The following LMAN1 variants were observed in gnomAD, a reference collection of about 807,000 sequenced individuals.
LMAN1 encodes the protein protein ERGIC-53.
A neutral mutation model predicts 67.8 loss-of-function variants in LMAN1; 32 were observed. The ratio of observed to expected loss-of-function variants is 0.47; its 90% CI spans 0.36 to 0.63. The LOEUF (loss-of-function observed/expected upper bound fraction) is 0.63. LMAN1 is among the 30% of genes least tolerant of loss of function. The probability of loss-of-function intolerance (pLI) is 0.00; values close to 1 mark genes in which losing one functional copy is unlikely to be tolerated. For missense variants in LMAN1, 632 were observed against 628.2 expected, an observed-to-expected ratio of 1.01 and a Z score of -0.06; for synonymous variants, 235 against 219.3, an observed-to-expected ratio of 1.07 and a Z score of -0.63.
chr18:59,346,411 G>A (rs1402475153), intron 7 of LMAN1, among the ~76,000 whole-genome samples: 1 of 151,492 alleles, frequency 6.6e-6, no homozygotes, highest in Admixed American at 6.6e-5. Flanking sequence ...TTTTAGTAGA[G>A]ATGGAGTTTC....
In LMAN1 at chr18:59,359,160, G is replaced by T. The variant is rs768277376; in HGVS notation, c.85C>A (p.Arg29=). The T allele has an allele frequency of 1.2e-6, 2 of 1,614,024 alleles. No individual in the cohort carries two copies. Among genetic ancestry groups the T allele is most frequent in the African/African-American group, 1.3e-5 (1 of 75,038 alleles). Residue 29 remains arginine (R), a synonymous_variant, in exon 1 of 13, where the codon CGG becomes AGG. Coordinates refer to ENST00000251047, the MANE Select transcript of LMAN1 (RefSeq NM_005570.4). Reference sequence around the variant, plus strand: ...GGGTCTCCTCCCACGCCGTCGCCCCGGACGAAGCGACCGAGTGACAGCAGC... The same window carrying T: ...GGGTCTCCTCCCACGCCGTCGCCCCTGACGAAGCGACCGAGTGACAGCAGC... ...ALLLSLGRFV[R]GDGVGGDPAV...
intron 1 of LMAN1, 101 bp downstream of exon 1, chr18:59,358,930 G>A (rs1190902785): frequency 1.7e-6 from 2 of 1,209,320 alleles, no homozygotes; most frequent in Non-Finnish European, 2.4e-6. Flanking sequence ...TGCAGCTGCT[G>A]GAACGGGAAC....
chr18:59,353,871 C>A (rs1291656810), intron 4 of LMAN1, among the ~76,000 whole-genome samples: 2 of 152,190 alleles, frequency 1.3e-5, no homozygotes, highest in Non-Finnish European at 2.9e-5. Context: ...ATAACGTGTA[C>A]ATATCCTCTT....
chr18:59,347,176 T>G (rs1258924518), intron 7 of LMAN1, among the ~76,000 whole-genome samples: 1 of 145,428 alleles, frequency 6.9e-6, no homozygotes, highest in East Asian at 2.4e-4. Context: ...TACCGCAACC[T>G]CTCGCTCCCA....
intron 6 of LMAN1, among the ~76,000 whole-genome samples, chr18:59,348,829 T>C (rs1568116710): frequency 1.3e-5 from 2 of 152,220 alleles, no homozygotes; most frequent in African/African-American, 4.8e-5. Flanking sequence ...CTGACTTTGA[T>C]AGCCTCTACT....
chr18:59,356,104 TTC>T (rs769682711), intron 1 of LMAN1, among the ~76,000 whole-genome samples: 3 of 152,180 alleles, frequency 2.0e-5, no homozygotes, highest in Non-Finnish European at 2.9e-5. Flanking sequence ...GAGCAAATAA[TTC>T]TCTTATTCTC....
rs569366686 is a variant in LMAN1, at chr18:59,333,530, T to A, written c.1221-286A>T. ...TAGTATAAGTGGATATTGAATATAA[T>A]GGATGATATTTTTAATGAAGTTATA... On this transcript the variant is annotated intron_variant, in intron 10 of 12. Transcript: ENST00000251047. 4.6e-4 allele frequency: 150 copies of A among 327,358 alleles called. 1 individual carries two copies. The East Asian group carries it at 0.01, about 22-fold the overall frequency. 20.3% of individuals were successfully genotyped at this position (327,358 alleles called of 1,614,324 possible). A position where few individuals can be genotyped will look rare whatever the true frequency, so the allele number is the denominator to read the frequency against.
At position 59,329,758 on chromosome 18, in the gene LMAN1, G is replaced by A. The variant is rs902279695; in HGVS notation, c.*1335C>T. 6.6e-6 allele frequency: 1 copy of A among 152,110 alleles called. No homozygotes were observed. 9.4% of individuals were successfully genotyped at this position (152,110 alleles called of 1,614,324 possible). ...AATGACATTTGAGAGCAAACCTAGG[G>A]AGGCTTGGAATAATTCAACAGTACT... is the stretch of plus-strand genomic sequence containing the variant. On this transcript the variant is annotated 3_prime_UTR_variant, in exon 13 of 13. Transcript: ENST00000251047.
rs77910666 is a variant in LMAN1 at position 59,337,428 on chromosome 18, T to C, written c.1220+1129A>G. Among the ~76,000 whole-genome samples, 1,147 of 152,230 alleles carry C rather than the reference T, an allele frequency of 7.5e-3. 4 individuals are homozygous for C. The highest frequency in any genetic ancestry group is 0.012 in the Non-Finnish European group (827 of 67,998). ...GGTGGAGAAACTGATAAATTTTGAA[T>C]AGGTCATTAATTTAGTTGATTGAAT... is the stretch of plus-strand genomic sequence containing the variant. On this transcript the variant is annotated intron_variant, in intron 10 of 12. Coordinates refer to ENST00000251047, the MANE Select transcript of LMAN1 (RefSeq NM_005570.4).
rs576838429 is a variant in LMAN1, at chr18:59,359,253, C to T, written c.-9G>A. ...TGCCTGGATCCCGCCATCTTGGATT[C>T]TGGAACGCGGAGGAGGGCGGGAGAG... On this transcript the variant is annotated 5_prime_UTR_variant, in exon 1 of 13. Coordinates refer to ENST00000251047, the MANE Select transcript of LMAN1 (RefSeq NM_005570.4). 6.2e-6 allele frequency: 10 copies of T among 1,613,172 alleles called. No homozygotes were observed. The South Asian group carries it at 8.8e-5, about 14-fold the overall frequency.
rs192311352 is a variant in LMAN1 at position 59,335,169 on chromosome 18, A to G, written c.1221-1925T>C. ...AAAATATGGGCTGGGTGCAGTGGCT[A>G]ACACCTGTAATCCCAGCACATTAGG... On this transcript the variant is annotated intron_variant, in intron 10 of 12. Transcript: ENST00000251047. 2.4e-3 allele frequency among the ~76,000 whole-genome samples: 361 copies of G among 152,266 alleles called. 1 individual carries two copies. The highest frequency in any genetic ancestry group is 8.1e-3 in the African/African-American group (335 of 41,556).
In LMAN1 at chr18:59,331,542, G is replaced by A; in HGVS notation, c.1375-3C>T. ...CATTTCGGCTTTTCATTTGATGGCT[G>A]TAAGGCAAATGACTTTCTATTACAG... is the stretch of plus-strand genomic sequence containing the variant. On this transcript the variant is annotated splice_region_variant and splice_polypyrimidine_tract_variant and intron_variant, in intron 11 of 12. Transcript: ENST00000251047. 1 of 1,612,856 alleles carries A rather than the reference G, an allele frequency of 6.2e-7. No homozygotes were observed. The highest frequency in any genetic ancestry group is 1.1e-5 in the South Asian group (1 of 91,060).
At chr18:59,352,518 G>C (rs1188507632) in intron 5 of LMAN1, among the ~76,000 whole-genome samples, 3 of 152,138 alleles carry the variant, frequency 2.0e-5, no homozygotes, top group African/African-American at 7.2e-5. Context: ...ACTGCTCACT[G>C]ATCTCTTCTA....
At chr18:59,341,985 AAAG>A (rs1409149974) in intron 8 of LMAN1, among the ~76,000 whole-genome samples, 9 of 152,124 alleles carry the variant, frequency 5.9e-5, no homozygotes, top group African/African-American at 1.7e-4. Context: ...CACAATCAGA[AAAG>A]AAGGAGACAT....
At position 59,359,056 on chromosome 18, in the gene LMAN1, G is replaced by C. The variant is rs1465298709; in HGVS notation, c.189C>G (p.Thr63=). 2 of 1,614,022 alleles carry C rather than the reference G, an allele frequency of 1.2e-6. No individual in the cohort carries two copies. Among genetic ancestry groups the C allele is most frequent in the East Asian group, 2.2e-5 (1 of 44,880 alleles). ...KGPHLVQSDG[T]VPFWAHAGNA... ...TCCCCGCGTGGGCCCAGAAGGGCAC[G>C]GTCCCGTCGCTCTGCACCAGGTGCG... The change falls in exon 1 of 13, where the codon ACC becomes ACG. Residue 63 remains threonine, a synonymous_variant. Coordinates refer to ENST00000251047, the MANE Select transcript of LMAN1 (RefSeq NM_005570.4).
At chr18:59,345,692 T>C (rs1223351532) in intron 8 of LMAN1, among the ~76,000 whole-genome samples, 1 of 152,182 alleles carries the variant, frequency 6.6e-6, no homozygotes, top group Non-Finnish European at 1.5e-5. Flanking sequence ...CAAATAACCA[T>C]GGTACTCTTT....
At chr18:59,354,417 T>C (rs1196512657) in intron 4 of LMAN1, 102 bp downstream of exon 4, 15 of 727,398 alleles carry the variant, frequency 2.1e-5, no homozygotes, top group Non-Finnish European at 3.7e-5. Flanking sequence ...AAAAGAACAG[T>C]ATTTTTTTCA....
Position 59,338,899 on chromosome 18 carries a change from C to G in LMAN1, c.1010G>C (p.Gly337Ala). 2 of 1,613,670 alleles carry G rather than the reference C, an allele frequency of 1.2e-6. No homozygotes were observed. Among genetic ancestry groups the G allele is most frequent in the South Asian group, 2.2e-5 (2 of 91,060 alleles). The change falls in exon 9 of 13, where the codon GGA becomes GCA. Residue 337 changes from glycine to alanine, a missense_variant. Transcript: ENST00000251047. ...GATTTCAAGATGAATACGATTCTGT[C>G]CTTCAAAGACTTGTCTTAGCTCTCG... is the stretch of plus-strand genomic sequence containing the variant. The part of the protein sequence containing the change: ...GDRELRQVFE[G>A]QNRIHLEIKQ...
intron 10 of LMAN1, among the ~76,000 whole-genome samples, chr18:59,338,206 T>C (rs934666082): frequency 6.6e-6 from 1 of 152,208 alleles, no homozygotes; most frequent in Non-Finnish European, 1.5e-5. Context: ...GCTACACATA[T>C]TTATTCCTCT....
Sources: allele counts gnomAD v4.1 joint callset (sites outside exome capture counted in the v4.1 genomes callset), GRCh38; gene constraint gnomAD v4.1.1; transcripts MANE v1.5; gene names NCBI Gene and HGNC (gene_info 2026-07-23, HGNC 2026-07-21).